ABCA12: variants seen among roughly 807,000 people sequenced by gnomAD.
The protein encoded by ABCA12 is glucosylceramide transporter ABCA12.
Under a neutral mutation model 293.5 loss-of-function variants are expected in ABCA12, and 156 were observed. That is an observed-to-expected ratio of 0.53 (90% CI 0.47 to 0.61). ABCA12 has a LOEUF of 0.61. Among genes scored for constraint, ABCA12 ranks in the 20% least tolerant of loss-of-function variants. The pLI is 0.00. For synonymous variants in ABCA12, 1,063 were observed against 1,108.0 expected (o/e 0.96, Z 0.81); for missense variants, 2,797 against 3,090.2 (o/e 0.91, Z 2.25).
chr2:214,948,572 G>C, intron 47 of ABCA12, 24 bp downstream of exon 47: 1 of 1,612,984 alleles, frequency 6.2e-7, no homozygotes, highest in Middle Eastern at 1.7e-4. Context: ...TTCAAATTAA[G>C]TAATTTTTCA....
intron 11 of ABCA12, chr2:215,022,105 A>T (rs939088318): frequency 9.2e-5 from 14 of 152,110 alleles, no homozygotes; most frequent in African/African-American, 3.1e-4. Flanking sequence ...GTGGTAATTT[A>T]TTAAATAAAA....
intron 20 of ABCA12, among the ~76,000 whole-genome samples, chr2:215,002,268 T>A (rs905583735): frequency 6.6e-5 from 10 of 152,200 alleles, no homozygotes; most frequent in African/African-American, 2.4e-4. Context: ...GAGTTTCTAA[T>A]ACTGTTTGAC....
chr2:215,093,822 C>T (rs1455311056), intron 2 of ABCA12, among the ~76,000 whole-genome samples: 1 of 152,190 alleles, frequency 6.6e-6, no homozygotes, highest in Non-Finnish European at 1.5e-5. Context: ...AATCCGGCCT[C>T]CCACATTATT....
Position 215,015,480 on chromosome 2 carries a change from A to T in ABCA12, c.1956+10T>A, listed in dbSNP as rs1410761792. 1.9e-6 allele frequency: 3 copies of T among 1,611,888 alleles called. No individual in the cohort carries two copies. The highest frequency in any genetic ancestry group is 2.5e-6 in the Non-Finnish European group (3 of 1,178,096). ...ATGAATATAAACATATTTAACCAAC[A>T]GCAACTTGCCTTGTATGTGAAGTTG... On this transcript the variant is annotated intron_variant, in intron 15 of 52. Transcript: ENST00000272895.
At chr2:214,942,550 C>CAATCT (rs1698440666) in intron 50 of ABCA12, among the ~76,000 whole-genome samples, 1 of 152,108 alleles carries the variant, frequency 6.6e-6, no homozygotes, top group Non-Finnish European at 1.5e-5. Flanking sequence ...ATGCTAGATA[C>CAATCT]AATCTATGCC....
chr2:215,074,674 A>T (rs909955513), intron 2 of ABCA12, among the ~76,000 whole-genome samples: 4 of 152,046 alleles, frequency 2.6e-5, no homozygotes, highest in Non-Finnish European at 2.9e-5. Flanking sequence ...CCAGGCGTGG[A>T]GGCTCACGCC....
At chr2:215,025,858 CTGACT>C in intron 10 of ABCA12, 79 bp from the exon 11 acceptor site, 1 of 945,200 alleles carries the variant, frequency 1.1e-6, no homozygotes, top group Non-Finnish European at 1.7e-6. Context: ...CACCTCTATC[CTGACT>C]TATTACTAAA....
intron 36 of ABCA12, among the ~76,000 whole-genome samples, chr2:214,971,073 CATTTAT>C (rs1376333979): frequency 2.0e-5 from 3 of 151,992 alleles, no homozygotes; most frequent in Non-Finnish European, 4.4e-5. Flanking sequence ...TTAGTTTAAC[CATTTAT>C]ATTTATGCCT....
rs1698866983 is a variant in ABCA12, at chr2:214,954,115, A to T, written c.6394-8T>A. The T allele has an allele frequency of 6.2e-7, 1 of 1,612,782 alleles. No individual in the cohort carries two copies. The highest frequency in any genetic ancestry group is 1.3e-5 in the African/African-American group (1 of 74,904). ...AGAAATAAGTTCTAAAGTCTGAAAT[A>T]AGAGAAATAAAAATAAAACTCAGTG... On this transcript the variant is annotated splice_polypyrimidine_tract_variant and splice_region_variant and intron_variant, in intron 43 of 52. Transcript: ENST00000272895.
At chr2:215,050,561 T>C (rs933236735) in intron 5 of ABCA12, among the ~76,000 whole-genome samples, 2 of 152,102 alleles carry the variant, frequency 1.3e-5, no homozygotes, top group African/African-American at 4.8e-5. Flanking sequence ...TGATAGTTAG[T>C]TGTCAGACTT....
rs1428401569 is a variant in ABCA12, at chr2:214,989,441, G to A, written c.3717C>T (p.Tyr1239=). The change falls in exon 26 of 53, where the codon TAC becomes TAT. Residue 1239 remains tyrosine (Y), a synonymous_variant. Transcript: ENST00000272895. The part of the protein sequence containing the change: ...QGIGLQWENM[Y]TSPVQDDTTS... ...TGGTGTCATCCTGAACCGGGGAGGT[G>A]TACATATTTTCCCACTGAAGACCTA... 16 of 1,613,408 alleles carry A rather than the reference G, an allele frequency of 9.9e-6. No individual in the cohort carries two copies. Among genetic ancestry groups the A allele is most frequent in the Non-Finnish European group, 1.2e-5 (14 of 1,179,902 alleles).
intron 8 of ABCA12, 118 bp from the exon 9 acceptor site, chr2:215,032,014 T>C: frequency 6.4e-7 from 1 of 1,567,164 alleles, no homozygotes; most frequent in South Asian, 1.1e-5. Flanking sequence ...ATCTGCAGAA[T>C]CATTCTCAAA....
chr2:215,071,643 G>A lies in ABCA12; in HGVS notation c.164-7424C>T, dbSNP rs1265017413. On this transcript the variant is annotated intron_variant, in intron 2 of 52. Coordinates refer to ENST00000272895, the MANE Select transcript of ABCA12 (RefSeq NM_173076.3). Reference sequence around the variant, plus strand: ...CCACATCTCCCAAATTGAAGATAATGGATTTTGCCATCTCACAGGGCACAG... The same window carrying A: ...CCACATCTCCCAAATTGAAGATAATAGATTTTGCCATCTCACAGGGCACAG... Among the ~76,000 whole-genome samples the A allele has an allele frequency of 9.2e-5, 14 of 152,148 alleles. 1 individual carries two copies. In the South Asian group the frequency reaches 2.5e-3, roughly 27 times the overall value.
rs1215287087 is a variant in ABCA12, at chr2:214,987,692, G to C, written c.3931C>G (p.Leu1311Val). Residue 1311 changes from leucine (L) to valine (V), a missense_variant, in exon 27 of 53, where the codon CTC becomes GTC. Leu to Val is a conservative substitution (Grantham distance 32). Coordinates refer to ENST00000272895, the MANE Select transcript of ABCA12 (RefSeq NM_173076.3). ...TGCATCATGATGTTAGTAAACATGA[G>C]GCCATTGCTCTTCTCAGGCTTCACC... The part of the protein sequence containing the change: ...AEVKPEKSNG[L>V]MFTNIMMQNT... 1.2e-6 allele frequency: 2 copies of C among 1,613,916 alleles called. No homozygotes were observed. Among genetic ancestry groups the C allele is most frequent in the Non-Finnish European group, 1.7e-6 (2 of 1,179,976 alleles).
chr2:214,953,808 T>C, intron 44 of ABCA12, 46 bp downstream of exon 44: 1 of 1,600,216 alleles, frequency 6.2e-7, no homozygotes, highest in Non-Finnish European at 8.5e-7. Flanking sequence ...TAGGTTGAAT[T>C]GAGTTCTGTT....
chr2:215,047,206 C>G lies in ABCA12; in HGVS notation c.694-1191G>C, dbSNP rs188675295. Among the ~76,000 whole-genome samples the G allele has an allele frequency of 1.3e-4, 20 of 152,310 alleles. 1 individual carries two copies. In the East Asian group the frequency reaches 3.7e-3, roughly 28 times the overall value. On this transcript the variant is annotated intron_variant, in intron 6 of 52. Coordinates refer to ENST00000272895, the MANE Select transcript of ABCA12 (RefSeq NM_173076.3). ...TACCTATGTAAGAAACCTGCATGTC[C>G]TACACATGTATCCTGGAACTTAACA...
At chr2:215,088,442 C>T (rs1376795730) in intron 2 of ABCA12, among the ~76,000 whole-genome samples, 2 of 152,014 alleles carry the variant, frequency 1.3e-5, no homozygotes, top group Non-Finnish European at 2.9e-5. Flanking sequence ...TAGGCAACGG[C>T]CAGTTTGGGA....
At chr2:215,007,681 A>G (rs777089216) in intron 19 of ABCA12, 46 bp downstream of exon 19, 1 of 1,612,206 alleles carries the variant, frequency 6.2e-7, no homozygotes, top group South Asian at 1.1e-5. Flanking sequence ...TAAAATCTCA[A>G]AGAATTCAAA....
chr2:215,033,872 T>A (rs192846056), intron 8 of ABCA12, among the ~76,000 whole-genome samples: 42 of 151,132 alleles, frequency 2.8e-4, no homozygotes, highest in Admixed American at 5.9e-4. Context: ...ACCCGGGAGG[T>A]GGAGCTTGCA....
Sources: allele counts gnomAD v4.1 joint callset (sites outside exome capture counted in the v4.1 genomes callset), GRCh38; gene constraint gnomAD v4.1.1; transcripts MANE v1.5; gene names NCBI Gene and HGNC (gene_info 2026-07-23, HGNC 2026-07-21).